FOXP2: variants seen among roughly 807,000 people sequenced by gnomAD.
The protein encoded by FOXP2 is forkhead box protein P2.
FOXP2 carries 12 observed loss-of-function variants against 115.8 expected under a neutral mutation model. That is an observed-to-expected ratio of 0.10 (90% CI 0.07 to 0.17). The LOEUF (loss-of-function observed/expected upper bound fraction) is 0.17. Among genes scored for constraint, FOXP2 ranks in the 10% least tolerant of loss-of-function variants. The pLI, the probability that FOXP2 is intolerant of heterozygous loss-of-function variation, is 1.00. For synonymous variants in FOXP2, 328 were observed against 297.7 expected (o/e 1.10, Z -1.05); for missense variants, 629 against 843.5 (o/e 0.75, Z 3.15).
At chr7:114,335,220 A>T (rs1562875996) in intron 2 of FOXP2, among the ~76,000 whole-genome samples, 1 of 151,544 alleles carries the variant, frequency 6.6e-6, no homozygotes. Flanking sequence ...TTATGAAATA[A>T]AGCTATAATA....
chr7:114,185,269 G>A (rs377455495), intron 1 of FOXP2, among the ~76,000 whole-genome samples: 38 of 152,048 alleles, frequency 2.5e-4, no homozygotes, highest in African/African-American at 8.7e-4. Flanking sequence ...TATACTTTGG[G>A]TTTCAATTAT....
At chr7:114,554,362 C>G (rs762005780) in intron 3 of FOXP2, among the ~76,000 whole-genome samples, 28 of 152,106 alleles carry the variant, frequency 1.8e-4, no homozygotes, top group Non-Finnish European at 4.0e-4. Context: ...TACCATTGTG[C>G]TTTTAAAGAG....
chr7:114,494,255 C>A (rs1489775751), intron 2 of FOXP2, among the ~76,000 whole-genome samples: 4 of 152,082 alleles, frequency 2.6e-5, no homozygotes, highest in Non-Finnish European at 5.9e-5. Flanking sequence ...AAGAAACTGC[C>A]TTGAAATTAC....
intron 2 of FOXP2, among the ~76,000 whole-genome samples, chr7:114,400,511 T>C (rs1447532852): frequency 6.6e-6 from 1 of 152,148 alleles, no homozygotes; most frequent in Non-Finnish European, 1.5e-5. Context: ...GAAGACTTCA[T>C]TCAGGATCAC....
At chr7:114,143,464 C>T (rs1185710319) in intron 1 of FOXP2, among the ~76,000 whole-genome samples, 1 of 151,900 alleles carries the variant, frequency 6.6e-6, no homozygotes, top group Non-Finnish European at 1.5e-5. Flanking sequence ...GCCCCCCCAC[C>T]CCCAGTCTAT....
chr7:114,580,280 C>G (rs1236344022), intron 3 of FOXP2, among the ~76,000 whole-genome samples: 1 of 152,082 alleles, frequency 6.6e-6, no homozygotes, highest in Non-Finnish European at 1.5e-5. Context: ...GGAAATAAGA[C>G]AGATTTAAGA....
At chr7:114,582,586 G>A (rs1303395004) in intron 3 of FOXP2, among the ~76,000 whole-genome samples, 4 of 152,192 alleles carry the variant, frequency 2.6e-5, no homozygotes, top group South Asian at 2.1e-4. Context: ...CAGTCACAAT[G>A]TAAGTGTTCT....
chr7:114,447,276 G>C (rs917644814), intron 2 of FOXP2, among the ~76,000 whole-genome samples: 2 of 151,998 alleles, frequency 1.3e-5, no homozygotes, highest in Non-Finnish European at 1.5e-5. Flanking sequence ...CTCCTGTCTG[G>C]TTTCCCCTCT....
At chr7:114,117,810 C>G (rs1299322820) in intron 1 of FOXP2, among the ~76,000 whole-genome samples, 1 of 152,082 alleles carries the variant, frequency 6.6e-6, no homozygotes, top group African/African-American at 2.4e-5. Flanking sequence ...AGTCAGAGAT[C>G]AGAGTGCCAG....
chr7:114,456,815 A>G (rs1037351178), intron 2 of FOXP2, among the ~76,000 whole-genome samples: 1 of 152,210 alleles, frequency 6.6e-6, no homozygotes, highest in Non-Finnish European at 1.5e-5. Flanking sequence ...TGTGGTATGT[A>G]TCTATGCAGT....
intron 1 of FOXP2, among the ~76,000 whole-genome samples, chr7:114,254,443 A>G (rs1425959392): frequency 1.3e-5 from 2 of 152,084 alleles, no homozygotes; most frequent in Non-Finnish European, 2.9e-5. Flanking sequence ...TCAGACATAG[A>G]TTTGGTCTTT....
At chr7:114,373,636 A>G (rs1170301804) in intron 2 of FOXP2, among the ~76,000 whole-genome samples, 1 of 152,188 alleles carries the variant, frequency 6.6e-6, no homozygotes, top group African/African-American at 2.4e-5. Context: ...ATCAATATCA[A>G]CCTTTCCTTG....
chr7:114,565,009 A>C (rs187305663), intron 3 of FOXP2, among the ~76,000 whole-genome samples: 1 of 151,774 alleles, frequency 6.6e-6, no homozygotes, highest in Non-Finnish European at 1.5e-5. Flanking sequence ...TAGCATTAAT[A>C]TTTCACAAAT....
At chr7:114,439,344 C>T (rs554236471) in intron 2 of FOXP2, among the ~76,000 whole-genome samples, 3 of 152,122 alleles carry the variant, frequency 2.0e-5, no homozygotes, top group East Asian at 1.9e-4. Flanking sequence ...TGAGCCTCTC[C>T]GGTTTGTATC....
chr7:114,192,847 A>G (rs1274316524), intron 1 of FOXP2, among the ~76,000 whole-genome samples: 1 of 152,194 alleles, frequency 6.6e-6, no homozygotes, highest in Non-Finnish European at 1.5e-5. Flanking sequence ...CCATATAGTG[A>G]AGGAATTCTC....
At chr7:114,303,920 G>A (rs1421630527) in intron 2 of FOXP2, among the ~76,000 whole-genome samples, 1 of 151,890 alleles carries the variant, frequency 6.6e-6, no homozygotes, top group Non-Finnish European at 1.5e-5. Flanking sequence ...ACATTTTATG[G>A]CTGCAGGCTT....
At chr7:114,550,719 T>C (rs1800165340) in intron 3 of FOXP2, among the ~76,000 whole-genome samples, 1 of 152,190 alleles carries the variant, frequency 6.6e-6, no homozygotes, top group African/African-American at 2.4e-5. Context: ...AAGTTCTTGA[T>C]GGAGCACTGA....
intron 2 of FOXP2, among the ~76,000 whole-genome samples, chr7:114,378,201 G>C (rs1584678302): frequency 6.6e-6 from 1 of 152,020 alleles, no homozygotes; most frequent in Non-Finnish European, 1.5e-5. Flanking sequence ...TCTACTAATG[G>C]GGATTATATC....
At chr7:114,371,252 T>TTG in intron 2 of FOXP2, among the ~76,000 whole-genome samples, 1 of 151,338 alleles carries the variant, frequency 6.6e-6, no homozygotes, top group East Asian at 2.0e-4. Flanking sequence ...AGCTAATTTT[T>TTG]TTTTTTTTTT....
Sources: allele counts gnomAD v4.1 joint callset (sites outside exome capture counted in the v4.1 genomes callset), GRCh38; gene constraint gnomAD v4.1.1; transcripts MANE v1.5; gene names NCBI Gene and HGNC (gene_info 2026-07-23, HGNC 2026-07-21).